The following PITPNB variants were observed in gnomAD, a reference collection of about 807,000 sequenced individuals.
PITPNB encodes the protein phosphatidylinositol transfer protein beta isoform.
A neutral mutation model predicts 45.9 loss-of-function variants in PITPNB; 16 were observed. The ratio of observed to expected loss-of-function variants is 0.35; its 90% confidence interval spans 0.24 to 0.53. The LOEUF (loss-of-function observed/expected upper bound fraction) is 0.53, where lower values mean the gene tolerates loss of function less well. PITPNB is among the 20% of genes least tolerant of loss of function. The probability of loss-of-function intolerance (pLI) is 0.93; values close to 1 mark genes in which losing one functional copy is unlikely to be tolerated. For missense variants in PITPNB, 188 were observed against 330.5 expected, an observed-to-expected ratio of 0.57 and a Z score of 3.34; for synonymous variants, 112 against 108.9, an observed-to-expected ratio of 1.03 and a Z score of -0.18.
chr22:27,885,929 AATG>A (rs530586181), intron 7 of PITPNB, among the ~76,000 whole-genome samples: 1 of 152,202 alleles, frequency 6.6e-6, no homozygotes, highest in Non-Finnish European at 1.5e-5. Flanking sequence ...TGGAAACAGA[AATG>A]ATGAGTACAG....
At chr22:27,888,187 C>T (rs943013813) in intron 7 of PITPNB, among the ~76,000 whole-genome samples, 2 of 152,210 alleles carry the variant, frequency 1.3e-5, no homozygotes, top group African/African-American at 4.8e-5. Context: ...TCCATCAGTA[C>T]AAATAGAGCT....
chr22:27,894,446 T>C (rs753652696), intron 7 of PITPNB, 109 bp downstream of exon 7: 1 of 660,776 alleles, frequency 1.5e-6, no homozygotes, highest in East Asian at 2.6e-5. Context: ...ATGTAGGCCA[T>C]ACAAGAAAGA....
At chr22:27,890,076 C>A (rs911237445) in intron 7 of PITPNB, among the ~76,000 whole-genome samples, 1 of 151,948 alleles carries the variant, frequency 6.6e-6, no homozygotes, top group Non-Finnish European at 1.5e-5. Flanking sequence ...GCTGTCAATG[C>A]CTGTGAAAGT....
intron 7 of PITPNB, among the ~76,000 whole-genome samples, chr22:27,893,684 G>A (rs534517731): frequency 6.7e-6 from 1 of 148,894 alleles, no homozygotes; most frequent in Non-Finnish European, 1.5e-5. Flanking sequence ...CAAATTTCTG[G>A]ACTCAAGTAA....
At chr22:27,870,537 C>A (rs2146362232) in intron 8 of PITPNB, among the ~76,000 whole-genome samples, 1 of 152,352 alleles carries the variant, frequency 6.6e-6, no homozygotes, top group East Asian at 1.9e-4. Context: ...GGCAGCTCTT[C>A]TATAAGAACA....
intron 6 of PITPNB, among the ~76,000 whole-genome samples, chr22:27,894,931 C>T (rs746144683): frequency 2.0e-5 from 3 of 152,238 alleles, no homozygotes; most frequent in African/African-American, 2.4e-5. Flanking sequence ...ACTAAATATA[C>T]GAGACCTATG....
At chr22:27,918,595 C>G (rs924774316) in intron 1 of PITPNB, among the ~76,000 whole-genome samples, 4 of 152,248 alleles carry the variant, frequency 2.6e-5, no homozygotes, top group African/African-American at 9.6e-5. Flanking sequence ...AGAGAAAAGG[C>G]TCTCCCGTCA....
At chr22:27,917,987 AGG>A (rs1045001433) in intron 1 of PITPNB, among the ~76,000 whole-genome samples, 1 of 152,204 alleles carries the variant, frequency 6.6e-6, no homozygotes, top group Non-Finnish European at 1.5e-5. Flanking sequence ...CTTCAAGCAA[AGG>A]GAACAAAAGC....
At chr22:27,854,814 A>C in intron 11 of PITPNB, 40 bp downstream of exon 11, 4 of 1,220,806 alleles carry the variant, frequency 3.3e-6, no homozygotes, top group Non-Finnish European at 4.8e-6. Context: ...CCAAAAAGGT[A>C]CAGGTTTCGA....
intron 3 of PITPNB, among the ~76,000 whole-genome samples, chr22:27,909,954 T>TC (rs1415334680): frequency 6.7e-6 from 1 of 149,498 alleles, no homozygotes; most frequent in Non-Finnish European, 1.5e-5. Flanking sequence ...TAATTTCTTT[T>TC]TTTTTTTTTT....
intron 8 of PITPNB, among the ~76,000 whole-genome samples, chr22:27,865,406 C>T (rs6005663): frequency 1.4e-4 from 22 of 152,256 alleles, no homozygotes; most frequent in African/African-American, 4.6e-4. Context: ...ATCTTTAATA[C>T]GTAACTTTAG....
intron 1 of PITPNB, among the ~76,000 whole-genome samples, chr22:27,918,543 GC>G (rs760830386): frequency 2.2e-4 from 33 of 152,328 alleles, no homozygotes; most frequent in Admixed American, 7.2e-4. Context: ...AGTAGGTGGG[GC>G]CCGGGATGTC....
In PITPNB at chr22:27,860,150, A is replaced by G; in HGVS notation, c.626T>C (p.Val209Ala). 6.2e-7 allele frequency: 1 copy of G among 1,609,860 alleles called. No homozygotes were observed. Among genetic ancestry groups the G allele is most frequent in the Non-Finnish European group, 8.5e-7 (1 of 1,176,172 alleles). ...TTTTACCTTTTGAATGAAGTTTTCT[A>G]CTTTGCTTTGCAGTCCCCACCACTT... ...KFKWWGLQSK[V>A]ENFIQKQEKR... Residue 209 changes from valine to alanine, a missense_variant, in exon 9 of 12, where the codon GTA (valine) becomes GCA (alanine). Coordinates refer to ENST00000335272, the MANE Select transcript of PITPNB (RefSeq NM_012399.5).
rs75642939 is a variant in PITPNB at position 27,887,381 on chromosome 22, A to G, written c.456+7174T>C. Among the ~76,000 whole-genome samples the G allele has an allele frequency of 3.1e-3, 477 of 152,306 alleles. 6 individuals carry two copies. The highest frequency in any genetic ancestry group is 0.011 in the African/African-American group (457 of 41,560). On this transcript the variant is annotated intron_variant, in intron 7 of 11. Coordinates refer to ENST00000335272, the MANE Select transcript of PITPNB (RefSeq NM_012399.5). ...GGGATCATTCCCTGTTTACAAAGCA[A>G]GAGAGTCAGGCTCCCAGCTGAGCTG...
At chr22:27,911,423 T>C (rs1275584271) in intron 2 of PITPNB, among the ~76,000 whole-genome samples, 3 of 152,256 alleles carry the variant, frequency 2.0e-5, no homozygotes, top group African/African-American at 7.2e-5. Context: ...GTTTAACTTT[T>C]GAACAATATA....
chr22:27,903,585 T>G (rs941949288), intron 3 of PITPNB, among the ~76,000 whole-genome samples: 2 of 150,736 alleles, frequency 1.3e-5, no homozygotes, highest in African/African-American at 4.9e-5. Flanking sequence ...GAGACCAGCC[T>G]GGGCAATACA....
At chr22:27,868,999 T>C (rs1426207564) in intron 8 of PITPNB, among the ~76,000 whole-genome samples, 1 of 152,126 alleles carries the variant, frequency 6.6e-6, no homozygotes, top group Non-Finnish European at 1.5e-5. Flanking sequence ...AAAGGTAGTG[T>C]TTCAATCTGT....
intron 4 of PITPNB, 86 bp from the exon 5 acceptor site, chr22:27,897,223 A>C: frequency 2.3e-6 from 2 of 887,756 alleles, no homozygotes; most frequent in East Asian, 4.8e-5. Context: ...CCAATACTTA[A>C]TGTCACAAAG....
chr22:27,874,618 C>T (rs1005712025), intron 7 of PITPNB, among the ~76,000 whole-genome samples: 1 of 152,140 alleles, frequency 6.6e-6, no homozygotes, highest in Admixed American at 6.5e-5. Flanking sequence ...TACAAAAGTT[C>T]TCTTGTCATT....
Sources: gnomAD v4.1 joint callset for allele counts (sites outside exome capture counted in the v4.1 genomes callset) on GRCh38, gnomAD v4.1.1 for gene constraint, MANE v1.5 for transcripts, NCBI Gene and HGNC (gene_info 2026-07-23, HGNC 2026-07-21) for gene names.